Variants in ATP7B observed in about 807,000 individuals in gnomAD.
ATP7B encodes the protein copper-transporting ATPase 2.
In ATP7B, 113 loss-of-function variants were observed where a neutral mutation model predicts 118.9. The ratio of observed to expected loss-of-function variants is 0.95; its 90% CI spans 0.82 to 1.11. ATP7B has a LOEUF of 1.11. ATP7B is among the 50% of genes most tolerant of loss of function. The probability of loss-of-function intolerance (pLI) is 0.00; values close to 1 mark genes in which losing one functional copy is unlikely to be tolerated. For synonymous variants in ATP7B, 777 were observed against 727.4 expected (o/e 1.07, Z -1.10); for missense variants, 1,867 against 1,871.4 (o/e 1.00, Z 0.04).
At chr13:51,994,998 C>T (rs1293702431) in intron 1 of ATP7B, among the ~76,000 whole-genome samples, 1 of 152,134 alleles carries the variant, frequency 6.6e-6, no homozygotes, top group South Asian at 2.1e-4. Flanking sequence ...TACAGATTAA[C>T]AAAATAAGGT....
At chr13:52,008,450 G>C (rs1275693545) in intron 1 of ATP7B, among the ~76,000 whole-genome samples, 1 of 152,168 alleles carries the variant, frequency 6.6e-6, no homozygotes, top group East Asian at 1.9e-4. Context: ...GCACGGGGCT[G>C]AACATTCGAA....
chr13:51,941,335 T>C lies in ATP7B; in HGVS notation c.3413-111A>G. 3 of 1,369,550 alleles carry C rather than the reference T, an allele frequency of 2.2e-6. No individual in the cohort carries two copies. In the East Asian group the frequency reaches 6.9e-5, roughly 31 times the overall value. The allele number at this position is 1,369,550 out of a possible 1,614,324, so 84.8% of individuals were successfully genotyped here. On this transcript the variant is annotated intron_variant, in intron 15 of 20. Transcript: ENST00000242839. ...TCCTTTTAACCATTCTGAAAAACTG[T>C]AACCTTGTAAGCACCTCTTGTGACA...
chr13:51,979,930 G>A (rs904556633), intron 1 of ATP7B, among the ~76,000 whole-genome samples: 1 of 152,200 alleles, frequency 6.6e-6, no homozygotes, highest in East Asian at 1.9e-4. Context: ...AGTTACAGAA[G>A]ACAAAGCCTT....
intron 13 of ATP7B, among the ~76,000 whole-genome samples, chr13:51,944,675 C>T (rs1957541476): frequency 6.6e-6 from 1 of 152,194 alleles, no homozygotes; most frequent in African/African-American, 2.4e-5. Flanking sequence ...ATCCGCCGAG[C>T]CCAACCTCAG....
At chr13:51,943,960 C>T (rs1593671011) in intron 14 of ATP7B, 149 bp downstream of exon 14, 8 of 973,782 alleles carry the variant, frequency 8.2e-6, no homozygotes, top group South Asian at 6.5e-5. Context: ...ACTGTGAGCC[C>T]TATATCTCCG....
In ATP7B at chr13:51,970,728, A is replaced by G. The variant is rs765192837; in HGVS notation, c.1307T>C (p.Leu436Pro). The stretch of plus-strand genomic sequence containing the variant: ...GGAATTCCCAGCACTGTGGTTTCCA[A>G]GAGGGTTAGTAGAACAGCTTTCTAG... ...VVSESCSTNPLGNHSAGNSMV... is the reference protein window; with the variant it reads ...VVSESCSTNPPGNHSAGNSMV... Residue 436 changes from leucine to proline, a missense_variant, in exon 3 of 21, where the codon CTT (leucine) becomes CCT (proline). By Grantham distance (98) the Leu-to-Pro change is moderately conservative. Coordinates refer to ENST00000242839, the MANE Select transcript of ATP7B (RefSeq NM_000053.4). 9 of 1,613,906 alleles carry G rather than the reference A, an allele frequency of 5.6e-6. No individual in the cohort carries two copies. Among genetic ancestry groups the G allele is most frequent in the African/African-American group, 4.0e-5 (3 of 75,012 alleles).
At chr13:51,964,769 G>T in intron 5 of ATP7B, 103 bp downstream of exon 5, 6 of 1,359,030 alleles carry the variant, frequency 4.4e-6, no homozygotes, top group South Asian at 1.3e-5. Context: ...GAAGAATTTT[G>T]GTTATTTTCA....
rs1057516844 is a variant in ATP7B, at chr13:51,958,363, G to C, written c.2303C>G (p.Pro768Arg). 1 of 1,614,234 alleles carries C rather than the reference G, an allele frequency of 6.2e-7. No individual in the cohort carries two copies. The highest frequency in any genetic ancestry group is 1.1e-5 in the South Asian group (1 of 91,080). Residue 768 changes from proline to arginine, a missense_variant, in exon 8 of 21, where the codon CCC (proline) becomes CGC (arginine). By Grantham distance (103) the Pro-to-Arg change is moderately radical. Coordinates refer to ENST00000242839, the MANE Select transcript of ATP7B (RefSeq NM_000053.4). Reference protein sequence around the residue: ...RSPVTFFDTPPMLFVFIALGR... With the variant: ...RSPVTFFDTPRMLFVFIALGR... ...CAGGGCAATGAACACAAAGAGCATG[G>C]GGGGCGTGTCGAAGAATGTCACAGG...
rs1555283882 is a variant in ATP7B, at chr13:51,937,558, G to A, written c.3821C>T (p.Ala1274Val). 6.2e-7 allele frequency: 1 copy of A among 1,614,128 alleles called. No homozygotes were observed. Among genetic ancestry groups the A allele is most frequent in the South Asian group, 1.1e-5 (1 of 91,094 alleles). Reference sequence around the variant, plus strand: ...CACACCCATGTCTGCCTGGGCCAAGGCCGGGGAGTCATTGACCCCATCCCC... The same window carrying A: ...CACACCCATGTCTGCCTGGGCCAAGACCGGGGAGTCATTGACCCCATCCCC... ...MVGDGVNDSPALAQADMGVAI... is the reference protein window; with the variant it reads ...MVGDGVNDSPVLAQADMGVAI... Residue 1274 changes from alanine to valine, a missense_variant, in exon 18 of 21, where the codon GCC (alanine) becomes GTC (valine). Ala to Val is a moderately conservative substitution (Grantham distance 64, BLOSUM62 0). Coordinates refer to ENST00000242839, the MANE Select transcript of ATP7B (RefSeq NM_000053.4).
At chr13:51,991,963 G>A (rs1045648228) in intron 1 of ATP7B, among the ~76,000 whole-genome samples, 5 of 152,082 alleles carry the variant, frequency 3.3e-5, no homozygotes, top group Admixed American at 6.6e-5. Context: ...AGGAGCGGGC[G>A]GAAATGTGCC....
At position 51,968,473 on chromosome 13, in the gene ATP7B, C is replaced by A. The variant is rs757281957; in HGVS notation, c.1678G>T (p.Ala560Ser). The A allele has an allele frequency of 6.2e-7, 1 of 1,614,180 alleles. No homozygotes were observed. Among genetic ancestry groups the A allele is most frequent in the Admixed American group, 1.7e-5 (1 of 60,020 alleles). Residue 560 changes from alanine (A) to serine (S), a missense_variant, in exon 4 of 21, where the codon GCA (alanine) becomes TCA (serine). Physicochemically the swap from Ala to Ser is moderately conservative, Grantham distance 99 (BLOSUM62 1). Transcript: ENST00000242839. ...GFEAAVMEDY[A>S]GSDGNIELTI... ...AGCTCAATGTTGCCATCGGAGCCTG[C>A]GTAGTCCTCCATGACTGCTGCCTCA...
At chr13:52,004,808 C>G (rs958714806) in intron 1 of ATP7B, among the ~76,000 whole-genome samples, 1 of 152,178 alleles carries the variant, frequency 6.6e-6, no homozygotes, top group African/African-American at 2.4e-5. Context: ...TCTGTGGTGG[C>G]TCTTCCCCAT....
rs146232015 is a variant in ATP7B at position 51,950,025 on chromosome 13, T to G, written c.2712A>C (p.Glu904Asp). Residue 904 changes from glutamate (E) to aspartate (D), a missense_variant, in exon 11 of 21, where the codon GAA (glutamate) becomes GAC (aspartate). Physicochemically the swap from Glu to Asp is conservative, Grantham distance 45. Transcript: ENST00000242839. ...TCATTACCTTTGACATCTGAGCCTC[T>G]TCCACCAGTTTCACAATCTGAGCCA... ...TTLAQIVKLV[E>D]EAQMSKAPIQ... is the part of the protein sequence containing the mutation. 6.2e-7 allele frequency: 1 copy of G among 1,614,250 alleles called. No individual in the cohort carries two copies. The highest frequency in any genetic ancestry group is 1.3e-5 in the African/African-American group (1 of 75,064).
chr13:51,965,706 TG>T (rs1951515972), intron 4 of ATP7B, among the ~76,000 whole-genome samples: 1 of 152,182 alleles, frequency 6.6e-6, no homozygotes, highest in Non-Finnish European at 1.5e-5. Flanking sequence ...CAGGCTTCTC[TG>T]GACACAGGAT....
chr13:51,966,754 C>T (rs1951570464), intron 4 of ATP7B: 1 of 1,589,410 alleles, frequency 6.3e-7, no homozygotes, highest in East Asian at 2.3e-5. Context: ...GGCCACAGTT[C>T]AGCAGCTGGA....
At position 51,937,598 on chromosome 13, in the gene ATP7B, T is replaced by C; in HGVS notation, c.3781A>G (p.Lys1261Glu). Reference sequence around the variant, plus strand: ...ACCCCATCCCCCACCATGGCGACTTTCTTCCCTTTATTCTGGAGCTCCTGG... The same window carrying C: ...ACCCCATCCCCCACCATGGCGACTTCCTTCCCTTTATTCTGGAGCTCCTGG... Reference protein sequence around the residue: ...KVQELQNKGKKVAMVGDGVND... With the variant: ...KVQELQNKGKEVAMVGDGVND... Residue 1261 changes from lysine (K) to glutamate (E), a missense_variant, in exon 18 of 21, where the codon AAA becomes GAA. Coordinates refer to ENST00000242839, the MANE Select transcript of ATP7B (RefSeq NM_000053.4). 6.2e-7 allele frequency: 1 copy of C among 1,614,256 alleles called. No individual in the cohort carries two copies. Among genetic ancestry groups the C allele is most frequent in the South Asian group, 1.1e-5 (1 of 91,086 alleles).
chr13:51,981,740 A>G (rs1952432944), intron 1 of ATP7B, among the ~76,000 whole-genome samples: 1 of 152,224 alleles, frequency 6.6e-6, no homozygotes, highest in Non-Finnish European at 1.5e-5. Flanking sequence ...AAATATCAGT[A>G]GAGAAAATTC....
chr13:51,947,622 G>A (rs1957747583), intron 12 of ATP7B, among the ~76,000 whole-genome samples: 1 of 152,082 alleles, frequency 6.6e-6, no homozygotes, highest in Non-Finnish European at 1.5e-5. Context: ...TATTATTAAA[G>A]GGGTCTTTTA....
At position 52,008,778 on chromosome 13, in the gene ATP7B, ACCTT is replaced by A. The variant is rs200007326; in HGVS notation, c.51+2505_51+2508del. Among the ~76,000 whole-genome samples the A allele has an allele frequency of 5.3e-5, 8 of 152,272 alleles. No homozygotes were observed. The East Asian group carries it at 1.5e-3, about 29-fold the overall frequency. On this transcript the variant is annotated intron_variant, in intron 1 of 20. Coordinates refer to ENST00000242839, the MANE Select transcript of ATP7B (RefSeq NM_000053.4). ...TCATTCAGGTCTCTACTCAAATCCT[ACCTT>A]CCAAGAGAAATCATTCCCTGACCAC...
Sources: allele counts gnomAD v4.1 joint callset (sites outside exome capture counted in the v4.1 genomes callset), GRCh38; gene constraint gnomAD v4.1.1; transcripts MANE v1.5; gene names NCBI Gene and HGNC (gene_info 2026-07-23, HGNC 2026-07-21).